The following NAXD variants were observed in gnomAD, a reference collection of about 807,000 sequenced individuals.
NAXD encodes ATP-dependent (S)-NAD(P)H-hydrate dehydratase.
Under a neutral mutation model 35.8 loss-of-function variants are expected in NAXD, and 22 were observed. The ratio of observed to expected loss-of-function variants is 0.62; its 90% CI spans 0.44 to 0.88. The LOEUF is 0.88. Ranked by LOEUF, NAXD falls within the 40% of genes least tolerant of loss-of-function variation. The probability of loss-of-function intolerance (pLI) is 0.00; values close to 1 mark genes in which losing one functional copy is unlikely to be tolerated. For missense variants in NAXD, 428 were observed against 437.7 expected (o/e 0.98, Z 0.20); for synonymous variants, 189 against 177.6 (o/e 1.06, Z -0.51).
At chr13:110,637,884 T>G (rs1014781845) in intron 9 of NAXD, 21 of 486,084 alleles carry the variant, frequency 4.3e-5, no homozygotes, top group African/African-American at 4.1e-4. Flanking sequence ...TCCCCCAAAC[T>G]AGGTGTGTCC....
rs762343299 is a variant in NAXD at position 110,634,721 on chromosome 13, G to A, written c.542G>A (p.Arg181Gln). The A allele has an allele frequency of 2.5e-5, 41 of 1,613,978 alleles. No homozygotes were observed. The highest frequency in any genetic ancestry group is 3.0e-5 in the Non-Finnish European group (35 of 1,180,026). ...CAGCCGGCCCTCATCCATGGCTACCGGAAGGCTGTGCTCACTCCCAACCAC... is the reference window on the plus strand; with the variant it reads ...CAGCCGGCCCTCATCCATGGCTACCAGAAGGCTGTGCTCACTCCCAACCAC... ...AQQPALIHGY[R>Q]KAVLTPNHVE... The change falls in exon 7 of 10, where the codon CGG (arginine) becomes CAG (glutamine). Residue 181 changes from arginine (R) to glutamine (Q), a missense_variant. Physicochemically the swap from Arg to Gln is conservative, Grantham distance 43 (BLOSUM62 1). This residue lies in a region of NAXD where 209 missense variants were observed against 214.6 expected (regional missense o/e 0.97). Coordinates refer to ENST00000680254, the MANE Select transcript of NAXD (RefSeq NM_001242882.2).
rs1351077292 is a variant in NAXD, at chr13:110,635,544, T to G, written c.674T>G (p.Val225Gly). ...RLSQALGNVT[V>G]VQKGERDILS... ...AGCCAAGCCCTGGGCAACGTGACGGTGGTCCAGAAAGGAGAGCGCGACATC... is the reference window on the plus strand; with the variant it reads ...AGCCAAGCCCTGGGCAACGTGACGGGGGTCCAGAAAGGAGAGCGCGACATC... The change falls in exon 8 of 10, where the codon GTG becomes GGG. Residue 225 changes from valine to glycine, a missense_variant. Val to Gly is a moderately radical substitution (Grantham distance 109). Transcript: ENST00000680254. 5.0e-6 allele frequency: 8 copies of G among 1,614,130 alleles called. No individual in the cohort carries two copies. The highest frequency in any genetic ancestry group is 5.9e-6 in the Non-Finnish European group (7 of 1,180,030).
intron 3 of NAXD, 100 bp from the exon 4 acceptor site, chr13:110,625,090 G>T: frequency 1.2e-6 from 1 of 853,114 alleles, no homozygotes. Context: ...TCTCATGCAC[G>T]TCACCAGGGC....
intron 8 of NAXD, 112 bp from the exon 9 acceptor site, chr13:110,637,017 T>C: frequency 8.0e-7 from 1 of 1,252,476 alleles, no homozygotes; most frequent in Non-Finnish European, 1.1e-6. Flanking sequence ...AGCCTCAGGC[T>C]GCTCCTGGAG....
intron 1 of NAXD, 179 bp downstream of exon 1, chr13:110,615,826 A>AG: frequency 7.9e-7 from 1 of 1,270,016 alleles, no homozygotes; most frequent in South Asian, 2.4e-5. Flanking sequence ...AGCGCCGCCG[A>AG]GGGGCAGCCC....
chr13:110,625,167 G>T (rs112260375), intron 3 of NAXD, 23 bp from the exon 4 acceptor site: 1 of 1,592,002 alleles, frequency 6.3e-7, no homozygotes, highest in African/African-American at 1.3e-5. Context: ...TCCCTGAGTC[G>T]GCCTCTTGTG....
At chr13:110,629,230 T>C (rs536191944) in intron 5 of NAXD, among the ~76,000 whole-genome samples, 3 of 152,344 alleles carry the variant, frequency 2.0e-5, no homozygotes, top group African/African-American at 7.2e-5. Context: ...GATGACAGAT[T>C]GAGTCCTGGC....
intron 4 of NAXD, among the ~76,000 whole-genome samples, chr13:110,627,095 C>T (rs1886512922): frequency 6.6e-6 from 1 of 152,034 alleles, no homozygotes; most frequent in African/African-American, 2.4e-5. Context: ...GCAATGGCCA[C>T]ATGCAGTGTG....
chr13:110,626,219 G>A (rs1352098501), intron 4 of NAXD, among the ~76,000 whole-genome samples: 3 of 152,002 alleles, frequency 2.0e-5, no homozygotes, highest in Non-Finnish European at 4.4e-5. Flanking sequence ...GTAAGGACCT[G>A]TGGGAGGGAA....
chr13:110,624,150 AT>A (rs2139634470), intron 2 of NAXD, 83 bp from the exon 3 acceptor site: 1 of 804,082 alleles, frequency 1.2e-6, no homozygotes, highest in South Asian at 1.5e-5. Flanking sequence ...ATTTATGTCT[AT>A]TTTTTATTGA....
At position 110,624,238 on chromosome 13, in the gene NAXD, A is replaced by G; in HGVS notation, c.202A>G (p.Thr68Ala). The change falls in exon 3 of 10, where the codon ACT becomes GCT. Residue 68 changes from threonine (T) to alanine (A), a missense_variant. This residue lies in a region of NAXD where 208 missense variants were observed against 193.0 expected (regional missense o/e 1.08). Coordinates refer to ENST00000680254, the MANE Select transcript of NAXD (RefSeq NM_001242882.2). ...IGVVGGCQEY[T>A]GAPYFAAISA... is the part of the protein sequence containing the mutation. ...CTCTAAATACCTTCTTTTTAGGTACACTGGAGCCCCATATTTTGCAGCAAT... is the reference window on the plus strand; with the variant it reads ...CTCTAAATACCTTCTTTTTAGGTACGCTGGAGCCCCATATTTTGCAGCAAT... 3 of 1,606,278 alleles carry G rather than the reference A, an allele frequency of 1.9e-6. No individual in the cohort carries two copies. Among genetic ancestry groups the G allele is most frequent in the Non-Finnish European group, 2.6e-6 (3 of 1,173,794 alleles).
rs1566624344 is a variant in NAXD, at chr13:110,638,262, T to C, written c.840-116T>C. ...CTCAGGGGCATATCAGACTTGAAAT[T>C]GACAATTTGGGGTCCTGAGATTGAA... On this transcript the variant is annotated intron_variant, in intron 9 of 9. Transcript: ENST00000680254. The surrounding 1 kb of genome is among the most constrained non-coding windows in gnomAD (Gnocchi z 5.4). 1 of 1,580,182 alleles carries C rather than the reference T, an allele frequency of 6.3e-7. No individual in the cohort carries two copies. Among genetic ancestry groups the C allele is most frequent in the African/African-American group, 1.4e-5 (1 of 73,668 alleles).
rs1232691635 is a variant in NAXD at position 110,628,014 on chromosome 13, C to A, written c.441+467C>A. ...TGACACGGGCCTGCTTGTCCGTGCC[C>A]ACATGCATATGCGCATGGACTCTCA... On this transcript the variant is annotated intron_variant, in intron 5 of 9. Transcript: ENST00000680254. This position sits in a 1 kb window ranked among gnomAD's most constrained non-coding sequence, Gnocchi z 4.1. Among the ~76,000 whole-genome samples the A allele has an allele frequency of 2.0e-5, 3 of 152,190 alleles. No homozygotes were observed. The highest frequency in any genetic ancestry group is 7.2e-5 in the African/African-American group (3 of 41,438).
At chr13:110,635,816 G>C (rs1446803104) in intron 8 of NAXD, among the ~76,000 whole-genome samples, 1 of 152,234 alleles carries the variant, frequency 6.6e-6, no homozygotes, top group African/African-American at 2.4e-5. Context: ...TCGAGCCGTG[G>C]GCCTTACCCG....
At chr13:110,622,803 C>T (rs1043612290) in intron 2 of NAXD, among the ~76,000 whole-genome samples, 7 of 152,172 alleles carry the variant, frequency 4.6e-5, no homozygotes, top group African/African-American at 1.2e-4. Context: ...GTGTTTGGTA[C>T]GTAGCTGTTT....
intron 1 of NAXD, chr13:110,615,990 C>T (rs1566611127): frequency 2.5e-6 from 1 of 405,542 alleles, no homozygotes; most frequent in East Asian, 3.8e-5. Context: ...CGGGCCGGAG[C>T]CAGTGCGCGT....
rs762370348 is a variant in NAXD, at chr13:110,624,215, CTAAA to C, written c.198-16_198-13del. 1 of 1,577,280 alleles carries C rather than the reference CTAAA, an allele frequency of 6.3e-7. No individual in the cohort carries two copies. The highest frequency in any genetic ancestry group is 8.7e-7 in the Non-Finnish European group (1 of 1,149,312). ...ACCTTATTCTCAGAAGTTTTTGACTCTAAATACCTTCTTTTTAGGTACACTGGAG... is the reference window on the plus strand; with the variant it reads ...ACCTTATTCTCAGAAGTTTTTGACTCTACCTTCTTTTTAGGTACACTGGAG... On this transcript the variant is annotated splice_polypyrimidine_tract_variant and intron_variant, in intron 2 of 9. Coordinates refer to ENST00000680254, the MANE Select transcript of NAXD (RefSeq NM_001242882.2).
intron 1 of NAXD, among the ~76,000 whole-genome samples, chr13:110,621,800 C>G (rs1023128585): frequency 6.6e-6 from 1 of 152,130 alleles, no homozygotes; most frequent in Non-Finnish European, 1.5e-5. Flanking sequence ...GAGGCTGCAG[C>G]TGGCAGATCA....
chr13:110,639,680 CTT>C lies in NAXD; in HGVS notation c.*1153_*1154del, dbSNP rs1374383185. The C allele has an allele frequency of 1.3e-5, 2 of 152,210 alleles. No homozygotes were observed. Among genetic ancestry groups the C allele is most frequent in the Non-Finnish European group, 2.9e-5 (2 of 68,040 alleles). The allele number at this position is 152,210 out of a possible 1,614,324, so 9.4% of individuals were successfully genotyped here. A position where few individuals can be genotyped will look rare whatever the true frequency, so the allele number is the denominator to read the frequency against. On this transcript the variant is annotated 3_prime_UTR_variant, in exon 10 of 10. Coordinates refer to ENST00000680254, the MANE Select transcript of NAXD (RefSeq NM_001242882.2). ...CCTGACGCGTGCATTAGGGTGTTCT[CTT>C]ATACTTTCAGTAGCATCTTTCCACA...
Sources: gnomAD v4.1 joint callset for allele counts (sites outside exome capture counted in the v4.1 genomes callset) on GRCh38, gnomAD v4.1.1 for gene constraint, gnomAD v4.1.1 regional missense constraint, Gnocchi (gnomAD v3.1) non-coding constraint, MANE v1.5 for transcripts, NCBI Gene and HGNC (gene_info 2026-07-23, HGNC 2026-07-21) for gene names.